Variants in BSN observed in about 807,000 individuals in gnomAD.
BSN encodes the protein protein bassoon.
BSN carries 57 observed loss-of-function variants against 264.8 expected under a neutral mutation model. The ratio of observed to expected loss-of-function variants is 0.22; its 90% CI spans 0.17 to 0.27. BSN has a LOEUF of 0.27. Among genes scored for constraint, BSN ranks in the 10% least tolerant of loss-of-function variants. The probability of loss-of-function intolerance (pLI) is 1.00; values close to 1 mark genes in which losing one functional copy is unlikely to be tolerated. For missense variants in BSN, 4,615 were observed against 5,232.5 expected (o/e 0.88, Z 3.64); for synonymous variants, 2,059 against 2,137.3 (o/e 0.96, Z 1.01).
intron 1 of BSN, among the ~76,000 whole-genome samples, chr3:49,569,622 G>A (rs962828960): frequency 7.2e-5 from 11 of 152,176 alleles, no homozygotes; most frequent in African/African-American, 2.7e-4. Flanking sequence ...GCCTACTGTC[G>A]TCCATCCTCA....
chr3:49,629,946 C>T (rs1281189599), intron 2 of BSN, among the ~76,000 whole-genome samples: 1 of 152,266 alleles, frequency 6.6e-6, no homozygotes, highest in East Asian at 1.9e-4. Flanking sequence ...CCAACTCCTA[C>T]CCAATGGCAA....
Position 49,630,558 on chromosome 3 carries a change from T to G in BSN, c.633+5175T>G, listed in dbSNP as rs2052377077. On this transcript the variant is annotated intron_variant, in intron 2 of 11. Coordinates refer to ENST00000296452, the MANE Select transcript of BSN (RefSeq NM_003458.4). The stretch of plus-strand genomic sequence containing the variant: ...TGGCCTGCTTACTTGCTTGGACCAC[T>G]GCAGGGTGGAGGCCACAGCCACTGG... Among the ~76,000 whole-genome samples the G allele has an allele frequency of 2.6e-5, 4 of 152,272 alleles. No homozygotes were observed. The South Asian group carries it at 8.3e-4, about 32-fold the overall frequency.
At chr3:49,563,951 T>G (rs149311363) in intron 1 of BSN, among the ~76,000 whole-genome samples, 3 of 152,284 alleles carry the variant, frequency 2.0e-5, no homozygotes, top group Non-Finnish European at 4.4e-5. Flanking sequence ...CGCTGACTTA[T>G]TTTTGCTCAC....
intron 1 of BSN, among the ~76,000 whole-genome samples, chr3:49,615,098 C>G (rs1045455859): frequency 6.6e-6 from 1 of 152,228 alleles, no homozygotes; most frequent in Non-Finnish European, 1.5e-5. Flanking sequence ...CTCTTTCTCT[C>G]AGCAACATCA....
intron 1 of BSN, among the ~76,000 whole-genome samples, chr3:49,586,201 A>G (rs1409689113): frequency 2.0e-5 from 3 of 152,060 alleles, no homozygotes; most frequent in Non-Finnish European, 4.4e-5. Flanking sequence ...ATGGTTTCCT[A>G]TAGTAGTTTC....
chr3:49,601,526 C>A (rs1270535505), intron 1 of BSN, among the ~76,000 whole-genome samples: 1 of 152,154 alleles, frequency 6.6e-6, no homozygotes, highest in Non-Finnish European at 1.5e-5. Context: ...CCAGTGCCAG[C>A]TTGTGGCTCT....
Position 49,625,022 on chromosome 3 carries a change from C to A in BSN, c.272C>A (p.Ala91Glu). 6.4e-7 allele frequency: 1 copy of A among 1,570,292 alleles called. No homozygotes were observed. The highest frequency in any genetic ancestry group is 1.2e-5 in the South Asian group (1 of 85,660). The change falls in exon 2 of 12, where the codon GCA (alanine) becomes GAA (glutamate). Residue 91 changes from alanine to glutamate, a missense_variant. Physicochemically the swap from Ala to Glu is moderately radical, Grantham distance 107 (BLOSUM62 -1). Transcript: ENST00000296452. This position sits in a 1 kb window ranked among gnomAD's most constrained non-coding sequence, Gnocchi z 4.4. ...AAGGAACCCCTGGGTAACCAGAGAG[C>A]AGCTTCCCCAACTCCGAAGCAGGCT... Reference protein sequence around the residue: ...DPKEPLGNQRAASPTPKQASA... With the variant: ...DPKEPLGNQREASPTPKQASA...
chr3:49,658,718 C>T (rs115548824), intron 5 of BSN, among the ~76,000 whole-genome samples: 9 of 152,212 alleles, frequency 5.9e-5, no homozygotes, highest in African/African-American at 1.7e-4. Flanking sequence ...GCAGTGTGCT[C>T]TCTGCCCCAG....
rs2052538790 is a variant in BSN, at chr3:49,651,160, G to C, written c.1986+81G>C. 6.4e-6 allele frequency: 9 copies of C among 1,399,102 alleles called. No individual in the cohort carries two copies. The highest frequency in any genetic ancestry group is 2.4e-4 in the Middle Eastern group (1 of 4,152). 86.7% of individuals were successfully genotyped at this position (1,399,102 alleles called of 1,614,324 possible). A position where few individuals can be genotyped will look rare whatever the true frequency, so the allele number is the denominator to read the frequency against. ...AAGGCTTGCCTCCCTGGGTGGCTGAGGCTGTAGGCTCAGGACAGGTGCCTT... is the reference window on the plus strand; with the variant it reads ...AAGGCTTGCCTCCCTGGGTGGCTGACGCTGTAGGCTCAGGACAGGTGCCTT... On this transcript the variant is annotated intron_variant, in intron 4 of 11. Transcript: ENST00000296452. This position sits in a 1 kb window ranked among gnomAD's most constrained non-coding sequence, Gnocchi z 5.4.
chr3:49,563,093 G>A (rs958538609), intron 1 of BSN, among the ~76,000 whole-genome samples: 7 of 152,186 alleles, frequency 4.6e-5, no homozygotes, highest in Non-Finnish European at 7.3e-5. Flanking sequence ...AGTACATTGT[G>A]CACTTTTTAG....
At chr3:49,594,960 G>A (rs371820620) in intron 1 of BSN, among the ~76,000 whole-genome samples, 3 of 148,350 alleles carry the variant, frequency 2.0e-5, no homozygotes, top group African/African-American at 5.0e-5. Flanking sequence ...GCACAATCTC[G>A]GCTCACTGCC....
intron 1 of BSN, among the ~76,000 whole-genome samples, chr3:49,609,089 CTTTTTTTTTTTTTTT>C: frequency 1.1e-5 from 1 of 89,024 alleles, no homozygotes; most frequent in South Asian, 4.4e-4. Context: ...GTTAAATTGA[CTTTTTTTTTTTTTTT>C]TTTTTTTTGA....
rs757590434 is a variant in BSN at position 49,660,669 on chromosome 3, C to T, written c.8824C>T (p.Arg2942Trp). ...TVPATKASLLRELDRDLRLVE... is the reference protein window; with the variant it reads ...TVPATKASLLWELDRDLRLVE... ...CCCTGCTACCAAGGCCAGCCTGCTC[C>T]GGGAGCTGGACCGGGACCTGCGGCT... Residue 2942 changes from arginine (R) to tryptophan (W), a missense_variant, in exon 6 of 12, where the codon CGG becomes TGG. This residue lies in a region of BSN where 3,415 missense variants were observed against 3,866.4 expected (regional missense o/e 0.88). Transcript: ENST00000296452. The surrounding 1 kb of genome is among the most constrained non-coding windows in gnomAD (Gnocchi z 7.1). The T allele has an allele frequency of 3.0e-5, 49 of 1,613,196 alleles. No individual in the cohort carries two copies. Among genetic ancestry groups the T allele is most frequent in the Non-Finnish European group, 4.0e-5 (47 of 1,179,998 alleles).
chr3:49,615,432 T>A (rs2052252472), intron 1 of BSN, among the ~76,000 whole-genome samples: 1 of 151,994 alleles, frequency 6.6e-6, no homozygotes, highest in Admixed American at 6.6e-5. Context: ...TACTCTGGGG[T>A]CTTTTGAGTC....
intron 1 of BSN, among the ~76,000 whole-genome samples, chr3:49,606,032 A>C (rs1003320708): frequency 0.026 from 2,465 of 93,118 alleles, 46 homozygotes; most frequent in Non-Finnish European, 0.036. Context: ...ATTTATATAC[A>C]TAATATATTA....
intron 1 of BSN, among the ~76,000 whole-genome samples, chr3:49,591,657 G>A (rs574051574): frequency 6.6e-6 from 1 of 151,998 alleles, no homozygotes; most frequent in Non-Finnish European, 1.5e-5. Flanking sequence ...TAGTGCAGTG[G>A]CATGATCTCA....
In BSN at chr3:49,656,113, C is replaced by T. The variant is rs2052596724; in HGVS notation, c.6557C>T (p.Thr2186Ile). 6.2e-7 allele frequency: 1 copy of T among 1,612,740 alleles called. No individual in the cohort carries two copies. Among genetic ancestry groups the T allele is most frequent in the African/African-American group, 1.3e-5 (1 of 74,956 alleles). The change falls in exon 5 of 12, where the codon ACT (threonine) becomes ATT (isoleucine). Residue 2186 changes from threonine to isoleucine, a missense_variant. By Grantham distance (89) the Thr-to-Ile change is moderately conservative. Around this residue, in one of 3 missense-constraint regions of BSN, gnomAD observed 3,415 missense variants for 3,866.4 expected, o/e 0.88. Coordinates refer to ENST00000296452, the MANE Select transcript of BSN (RefSeq NM_003458.4). ...AGACAGCTGCTGCCGTCCACAGCCA[C>T]TGTACGTGCAGCTGATGGCATGATC... Reference protein sequence around the residue: ...AVRQLLPSTATVRAADGMIYS... With the variant: ...AVRQLLPSTAIVRAADGMIYS...
rs1276133660 is a variant in BSN at position 49,652,267 on chromosome 3, G to A, written c.2711G>A (p.Gly904Asp). The change falls in exon 5 of 12, where the codon GGC becomes GAC. Residue 904 changes from glycine (G) to aspartate (D), a missense_variant. By Grantham distance (94) the Gly-to-Asp change is moderately conservative. Around this residue, in one of 3 missense-constraint regions of BSN, gnomAD observed 1,197 missense variants for 1,348.0 expected, o/e 0.89. Coordinates refer to ENST00000296452, the MANE Select transcript of BSN (RefSeq NM_003458.4). ...CGCCTGCCCCACAATGCCACCACGG[G>A]CTATGAGGAGCTGCTCCCTGAGGGA... is the stretch of plus-strand genomic sequence containing the variant. Reference protein sequence around the residue: ...KRRLPHNATTGYEELLPEGGS... With the variant: ...KRRLPHNATTDYEELLPEGGS... 1.2e-6 allele frequency: 2 copies of A among 1,600,732 alleles called. No individual in the cohort carries two copies. Among genetic ancestry groups the A allele is most frequent in the South Asian group, 2.2e-5 (2 of 89,466 alleles).
In BSN at chr3:49,653,204, T is replaced by C; in HGVS notation, c.3648T>C (p.Ser1216=). 1.2e-6 allele frequency: 2 copies of C among 1,610,998 alleles called. No individual in the cohort carries two copies. Among genetic ancestry groups the C allele is most frequent in the Non-Finnish European group, 1.7e-6 (2 of 1,179,376 alleles). ...AGARGPHGGP[S]QPTGPRGLGS... ...CCCGGGGACCCCATGGCGGCCCCTCTCAGCCCACAGGCCCCCGGGGCCTGG... is the reference window on the plus strand; with the variant it reads ...CCCGGGGACCCCATGGCGGCCCCTCCCAGCCCACAGGCCCCCGGGGCCTGG... The change falls in exon 5 of 12, where the codon TCT becomes TCC. Residue 1216 remains serine, a synonymous_variant. Coordinates refer to ENST00000296452, the MANE Select transcript of BSN (RefSeq NM_003458.4). This position sits in a 1 kb window ranked among gnomAD's most constrained non-coding sequence, Gnocchi z 6.3.
Sources: allele counts gnomAD v4.1 joint callset (sites outside exome capture counted in the v4.1 genomes callset), GRCh38; gene constraint gnomAD v4.1.1; regional missense constraint gnomAD v4.1.1; non-coding constraint Gnocchi (gnomAD v3.1); transcripts MANE v1.5; gene names NCBI Gene and HGNC (gene_info 2026-07-23, HGNC 2026-07-21).